Variants in GRID1 observed in about 807,000 individuals in gnomAD.
GRID1 encodes the protein glutamate ionotropic receptor delta type subunit 1.
In GRID1, 28 loss-of-function variants were observed where a neutral mutation model predicts 98.0. That is an observed-to-expected ratio of 0.29 (90% CI 0.21 to 0.39). The LOEUF is 0.39. Among genes scored for constraint, GRID1 ranks in the 10% least tolerant of loss-of-function variants. GRID1 has a pLI of 1.00. For missense variants in GRID1, 1,111 were observed against 1,340.5 expected (o/e 0.83, Z 2.67); for synonymous variants, 553 against 538.5 (o/e 1.03, Z -0.37).
intron 4 of GRID1, among the ~76,000 whole-genome samples, chr10:85,939,380 G>A (rs1379095396): frequency 6.6e-6 from 1 of 152,184 alleles, no homozygotes; most frequent in Non-Finnish European, 1.5e-5. Context: ...TAGTGATTTA[G>A]CAAAAACCTA....
rs1237886764 is a variant in GRID1 at position 85,697,986 on chromosome 10, G to A, written c.1997+25017C>T. Among the ~76,000 whole-genome samples, 7 of 152,252 alleles carry A rather than the reference G, an allele frequency of 4.6e-5. No individual in the cohort carries two copies. The East Asian group carries it at 1.4e-3, about 29-fold the overall frequency. ...TAACTTGCAAAGAGTCATTCAGATT[G>A]TCTATGTCCGAAGTTACTAACTTGA... On this transcript the variant is annotated intron_variant, in intron 12 of 15. Transcript: ENST00000327946.
intron 5 of GRID1, among the ~76,000 whole-genome samples, chr10:85,884,187 A>G (rs1270658664): frequency 6.6e-6 from 1 of 152,122 alleles, no homozygotes; most frequent in Non-Finnish European, 1.5e-5. Context: ...TAAATGTATT[A>G]TATCTGGCTT....
At chr10:85,856,867 G>A (rs1437164279) in intron 6 of GRID1, among the ~76,000 whole-genome samples, 1 of 152,240 alleles carries the variant, frequency 6.6e-6, no homozygotes, top group Non-Finnish European at 1.5e-5. Flanking sequence ...GTGTCAATGG[G>A]TACAATACAG....
intron 8 of GRID1, among the ~76,000 whole-genome samples, chr10:85,734,347 T>G (rs891551795): frequency 2.0e-5 from 3 of 152,162 alleles, no homozygotes; most frequent in African/African-American, 7.2e-5. Flanking sequence ...CTTCAAATCA[T>G]TTTAGTTAAT....
intron 12 of GRID1, chr10:85,708,614 T>C (rs1294217749): frequency 6.6e-6 from 1 of 152,234 alleles, no homozygotes; most frequent in Non-Finnish European, 1.5e-5. Context: ...CATTTCATAT[T>C]GGCAAAATAT....
chr10:86,007,818 G>GT (rs1305190274), intron 4 of GRID1, among the ~76,000 whole-genome samples: 2 of 136,322 alleles, frequency 1.5e-5, no homozygotes, highest in Non-Finnish European at 3.2e-5. Flanking sequence ...TGTTTTTTGT[G>GT]TTTTTTTATT....
chr10:85,926,485 C>T (rs1240898001), intron 4 of GRID1, among the ~76,000 whole-genome samples: 1 of 152,140 alleles, frequency 6.6e-6, no homozygotes, highest in African/African-American at 2.4e-5. Context: ...GGGTCCCAGA[C>T]CTGGGAATGG....
intron 5 of GRID1, among the ~76,000 whole-genome samples, chr10:85,908,148 T>C (rs1170641977): frequency 6.6e-6 from 1 of 152,154 alleles, no homozygotes; most frequent in African/African-American, 2.4e-5. Flanking sequence ...TCACCACTTA[T>C]ATTCAATATT....
At chr10:85,680,949 A>T (rs1841201980) in intron 12 of GRID1, among the ~76,000 whole-genome samples, 1 of 152,208 alleles carries the variant, frequency 6.6e-6, no homozygotes, top group Admixed American at 6.5e-5. Context: ...ACACATGGGC[A>T]TAGAAAGTAG....
chr10:85,945,452 A>AGCTGAAAGTGGTATCTGT, intron 4 of GRID1, among the ~76,000 whole-genome samples: 2 of 151,474 alleles, frequency 1.3e-5, no homozygotes, highest in South Asian at 4.2e-4. Flanking sequence ...TGGGTACTGT[A>AGCTGAAAGTGGTATCTGT]CTGTAGCTGA....
At chr10:86,055,835 C>G (rs938752970) in intron 4 of GRID1, among the ~76,000 whole-genome samples, 1 of 152,182 alleles carries the variant, frequency 6.6e-6, no homozygotes, top group Non-Finnish European at 1.5e-5. Context: ...CTCTCTCTCT[C>G]TCTCATGTGA....
At chr10:86,064,197 A>G (rs1843687940) in intron 4 of GRID1, among the ~76,000 whole-genome samples, 1 of 152,240 alleles carries the variant, frequency 6.6e-6, no homozygotes, top group Non-Finnish European at 1.5e-5. Flanking sequence ...AATTTTATCA[A>G]TGTTCACAAA....
At chr10:85,748,002 T>G (rs1842013089) in intron 8 of GRID1, among the ~76,000 whole-genome samples, 1 of 152,150 alleles carries the variant, frequency 6.6e-6, no homozygotes, top group African/African-American at 2.4e-5. Flanking sequence ...TACATTACTT[T>G]GTAAGATTAG....
chr10:86,334,038 T>C (rs1848188895), intron 2 of GRID1, among the ~76,000 whole-genome samples: 1 of 151,832 alleles, frequency 6.6e-6, no homozygotes. Context: ...AGCTGTGCGC[T>C]GCCTGGCCAG....
rs114002047 is a variant in GRID1 at position 85,960,576 on chromosome 10, G to C, written c.727-44337C>G. Among the ~76,000 whole-genome samples, 813 of 152,340 alleles carry C rather than the reference G, an allele frequency of 5.3e-3. 7 individuals are homozygous for C. The highest frequency in any genetic ancestry group is 0.018 in the African/African-American group (761 of 41,576). The stretch of plus-strand genomic sequence containing the variant: ...CACAGCACAGCCATGCTAAGGTAGA[G>C]AGAGCACTATACATTTCCACCAGCC... On this transcript the variant is annotated intron_variant, in intron 4 of 15. Transcript: ENST00000327946.
chr10:85,880,159 C>G (rs1840984127), intron 5 of GRID1, among the ~76,000 whole-genome samples: 1 of 152,096 alleles, frequency 6.6e-6, no homozygotes, highest in Admixed American at 6.5e-5. Context: ...AAGTCCGGGA[C>G]CAGATGGATT....
At chr10:86,315,722 T>A (rs1847888823) in intron 2 of GRID1, among the ~76,000 whole-genome samples, 1 of 151,550 alleles carries the variant, frequency 6.6e-6, no homozygotes, top group Non-Finnish European at 1.5e-5. Context: ...CAGCCACCCA[T>A]ATACATCTGC....
intron 3 of GRID1, among the ~76,000 whole-genome samples, chr10:86,167,305 A>G (rs1405738575): frequency 1.3e-5 from 2 of 152,248 alleles, no homozygotes; most frequent in Non-Finnish European, 2.9e-5. Flanking sequence ...AAGGGGCCAC[A>G]GAGGAAGACT....
chr10:86,322,207 G>A (rs1263530378), intron 2 of GRID1, among the ~76,000 whole-genome samples: 1 of 152,002 alleles, frequency 6.6e-6, no homozygotes, highest in Non-Finnish European at 1.5e-5. Flanking sequence ...TCTCCCAGAT[G>A]GCACAAAAAC....
Sources: gnomAD v4.1 joint callset for allele counts (sites outside exome capture counted in the v4.1 genomes callset) on GRCh38, gnomAD v4.1.1 for gene constraint, MANE v1.5 for transcripts, NCBI Gene and HGNC (gene_info 2026-07-23, HGNC 2026-07-21) for gene names.